ABLIM2: variants seen among roughly 807,000 people sequenced by gnomAD.
The protein encoded by ABLIM2 is actin binding LIM protein family member 2.
Under a neutral mutation model 97.7 loss-of-function variants are expected in ABLIM2, and 53 were observed. The ratio of observed to expected loss-of-function variants is 0.54; its 90% CI spans 0.44 to 0.68. The LOEUF (loss-of-function observed/expected upper bound fraction) is 0.68. ABLIM2 is among the 30% of genes least tolerant of loss of function. The pLI is 0.00. For synonymous variants in ABLIM2, 361 were observed against 345.8 expected (o/e 1.04, Z -0.49); for missense variants, 835 against 867.2 (o/e 0.96, Z 0.47).
intron 1 of ABLIM2, among the ~76,000 whole-genome samples, chr4:8,133,286 C>T (rs564753204): frequency 1.3e-5 from 2 of 152,358 alleles, no homozygotes; most frequent in African/African-American, 4.8e-5. Flanking sequence ...CAGGGCTTCA[C>T]TTAGCGGGAA....
At position 8,044,641 on chromosome 4, in the gene ABLIM2, G is replaced by GACACAC. The variant is rs531358817; in HGVS notation, c.900+517_900+522dup. Among the ~76,000 whole-genome samples the GACACAC allele has an allele frequency of 0.12, 14,579 of 123,984 alleles. 1,304 individuals carry two copies. Among genetic ancestry groups the GACACAC allele is most frequent in the East Asian group, 0.26 (1,110 of 4,202 alleles). 81.3% of individuals were successfully genotyped at this position (123,984 alleles called of 152,430 possible). On this transcript the variant is annotated intron_variant, in intron 9 of 20. Coordinates refer to ENST00000447017, the MANE Select transcript of ABLIM2 (RefSeq NM_001130083.2). The surrounding 1 kb of genome is among the most constrained non-coding windows in gnomAD (Gnocchi z 4.4). ...ATTATGGAAGCGTGTGAGGCGCACA[G>GACACAC]ACACACACACACACACACACACACA...
intron 8 of ABLIM2, among the ~76,000 whole-genome samples, chr4:8,047,051 G>C (rs568036568): frequency 2.0e-3 from 303 of 152,298 alleles, no homozygotes; most frequent in Admixed American, 4.7e-3. Context: ...GCAGCGGCTG[G>C]CGTGGGTGAC....
chr4:8,144,928 G>A (rs925807281), intron 1 of ABLIM2, among the ~76,000 whole-genome samples: 1 of 152,256 alleles, frequency 6.6e-6, no homozygotes, highest in Non-Finnish European at 1.5e-5. Context: ...GAAAGAACCC[G>A]TGGGGAGACA....
intron 20 of ABLIM2, among the ~76,000 whole-genome samples, chr4:7,968,308 G>A (rs1724669307): frequency 6.6e-6 from 1 of 152,232 alleles, no homozygotes; most frequent in Non-Finnish European, 1.5e-5. Flanking sequence ...GTTATCATAT[G>A]CCCCAGCCAT....
chr4:8,026,893 G>C lies in ABLIM2; in HGVS notation c.1267+866C>G, dbSNP rs1409465186. ...AGTGGCCTTTTACCTGAGTGTGTGT[G>C]TCTGCAGTGGCCTTTTACCTGAGTG... On this transcript the variant is annotated intron_variant, in intron 12 of 20. Transcript: ENST00000447017. Among the ~76,000 whole-genome samples, 5 of 150,682 alleles carry C rather than the reference G, an allele frequency of 3.3e-5. 1 individual carries two copies. Among genetic ancestry groups the C allele is most frequent in the African/African-American group, 1.2e-4 (5 of 40,812 alleles).
In ABLIM2 at chr4:8,145,179, G is replaced by C. The variant is rs571719292; in HGVS notation, c.10+13501C>G. On this transcript the variant is annotated intron_variant, in intron 1 of 20. Transcript: ENST00000447017. ...GTTGCTAGGTGCTCTGTAAATGGCA[G>C]GTATTGATTTTTTTTTTTTTTCCAG... is the stretch of plus-strand genomic sequence containing the variant. Among the ~76,000 whole-genome samples the C allele has an allele frequency of 3.4e-5, 5 of 148,988 alleles. No individual in the cohort carries two copies. In the East Asian group the frequency reaches 9.7e-4, roughly 29 times the overall value.
rs1467022479 is a variant in ABLIM2 at position 8,071,388 on chromosome 4, G to A, written c.675+6240C>T. ...GGGTGGGATGCAGGCCAACATGCAT[G>A]AGGGTGCTGCACGTTTAGGAGAAAC... On this transcript the variant is annotated intron_variant, in intron 6 of 20. Transcript: ENST00000447017. The surrounding 1 kb of genome is among the most constrained non-coding windows in gnomAD (Gnocchi z 6.2). Among the ~76,000 whole-genome samples, 3 of 152,178 alleles carry A rather than the reference G, an allele frequency of 2.0e-5. No homozygotes were observed. Among genetic ancestry groups the A allele is most frequent in the Non-Finnish European group, 4.4e-5 (3 of 68,024 alleles).
Position 8,069,755 on chromosome 4 carries a change from G to A in ABLIM2, c.675+7873C>T, listed in dbSNP as rs780560463. ...ATGTGTCCTTGTGTTGTCTGTGTAC[G>A]TTTCGGTGTGTCCATGCATGTTGTC... On this transcript the variant is annotated intron_variant, in intron 6 of 20. Coordinates refer to ENST00000447017, the MANE Select transcript of ABLIM2 (RefSeq NM_001130083.2). This position sits in a 1 kb window ranked among gnomAD's most constrained non-coding sequence, Gnocchi z 4.2. 4.6e-5 allele frequency among the ~76,000 whole-genome samples: 7 copies of A among 151,724 alleles called. No individual in the cohort carries two copies. Among genetic ancestry groups the A allele is most frequent in the Admixed American group, 2.0e-4 (3 of 15,236 alleles).
chr4:8,025,076 C>T (rs967094131), intron 12 of ABLIM2, among the ~76,000 whole-genome samples: 9 of 152,150 alleles, frequency 5.9e-5, no homozygotes, highest in South Asian at 2.1e-4. Flanking sequence ...ACCACAGGTG[C>T]GCCACCACAC....
At chr4:8,034,379 G>T (rs999455113) in intron 10 of ABLIM2, among the ~76,000 whole-genome samples, 6 of 149,880 alleles carry the variant, frequency 4.0e-5, no homozygotes, top group Non-Finnish European at 8.9e-5. Context: ...GGGGGTGTGT[G>T]GTAAGTGGGT....
intron 8 of ABLIM2, among the ~76,000 whole-genome samples, chr4:8,051,437 G>C (rs1795989907): frequency 6.6e-6 from 1 of 151,654 alleles, no homozygotes; most frequent in African/African-American, 2.4e-5. Flanking sequence ...CGTGGCTGTA[G>C]TCCCAGCTAC....
At chr4:8,099,370 C>T (rs973482396) in intron 2 of ABLIM2, among the ~76,000 whole-genome samples, 12 of 152,176 alleles carry the variant, frequency 7.9e-5, no homozygotes, top group Admixed American at 2.0e-4. Flanking sequence ...GACGTGACGG[C>T]GTGAGCTGTT....
At chr4:8,110,335 T>C (rs150959431) in intron 1 of ABLIM2, among the ~76,000 whole-genome samples, 27 of 152,316 alleles carry the variant, frequency 1.8e-4, no homozygotes, top group Admixed American at 1.2e-3. Context: ...CAGCTTCAGA[T>C]TCCCGGGGGA....
intron 3 of ABLIM2, among the ~76,000 whole-genome samples, chr4:8,093,329 T>C (rs775097503): frequency 7.2e-5 from 11 of 152,228 alleles, no homozygotes; most frequent in Non-Finnish European, 1.6e-4. Context: ...GCTTTTGCAG[T>C]TTCTCATTTT....
chr4:8,039,166 T>A (rs922435734), intron 9 of ABLIM2, among the ~76,000 whole-genome samples: 2 of 152,192 alleles, frequency 1.3e-5, no homozygotes, highest in South Asian at 4.1e-4. Context: ...AGCAGGCTTG[T>A]GAATTGAACA....
rs1849139238 is a variant in ABLIM2 at position 8,130,005 on chromosome 4, C to A, written c.11-23368G>T. On this transcript the variant is annotated intron_variant, in intron 1 of 20. Transcript: ENST00000447017. This position sits in a 1 kb window ranked among gnomAD's most constrained non-coding sequence, Gnocchi z 4.2. ...TCTGCTAGTCAGCACAGCTGGTGCC[C>A]TGCGGGCTCCCAGCACTCAGCACTG... Among the ~76,000 whole-genome samples, 2 of 152,240 alleles carry A rather than the reference C, an allele frequency of 1.3e-5. No individual in the cohort carries two copies. The highest frequency in any genetic ancestry group is 2.9e-5 in the Non-Finnish European group (2 of 68,040).
chr4:8,097,115 C>T lies in ABLIM2; in HGVS notation c.322G>A (p.Val108Met), dbSNP rs751566556. ...CTTACTCACCGGCAGACGGCACACACGAAGCAGTCGGGGTGGTAGGTCTTG... is the reference window on the plus strand; with the variant it reads ...CTTACTCACCGGCAGACGGCACACATGAAGCAGTCGGGGTGGTAGGTCTTG... Reference protein sequence around the residue: ...LGKTYHPDCFVCAVCRLPFPP... With the variant: ...LGKTYHPDCFMCAVCRLPFPP... Residue 108 changes from valine to methionine, a missense_variant, in exon 3 of 21, where the codon GTG becomes ATG. Val to Met is a conservative substitution (Grantham distance 21, BLOSUM62 1). Coordinates refer to ENST00000447017, the MANE Select transcript of ABLIM2 (RefSeq NM_001130083.2). 3.0e-5 allele frequency: 49 copies of T among 1,608,902 alleles called. No homozygotes were observed. Among genetic ancestry groups the T allele is most frequent in the African/African-American group, 6.7e-5 (5 of 74,828 alleles).
chr4:7,981,953 G>A (rs967859308), intron 20 of ABLIM2, among the ~76,000 whole-genome samples: 5 of 152,154 alleles, frequency 3.3e-5, no homozygotes, highest in Non-Finnish European at 5.9e-5. Flanking sequence ...TTTGCTCAGG[G>A]GCTTCCCCGG....
Position 8,127,683 on chromosome 4 carries a change from GC to G in ABLIM2, c.11-21047del, listed in dbSNP as rs1848621814. On this transcript the variant is annotated intron_variant, in intron 1 of 20. Transcript: ENST00000447017. This position sits in a 1 kb window ranked among gnomAD's most constrained non-coding sequence, Gnocchi z 7.3. ...AGTGGACCGGGGAAGAGCCTCTGTG[GC>G]CCACAGGGCTCCCACAAGGTCACGT... The G allele has an allele frequency of 7.9e-7, 1 of 1,261,568 alleles. No individual in the cohort carries two copies. Among genetic ancestry groups the G allele is most frequent in the African/African-American group, 1.5e-5 (1 of 65,386 alleles). The allele number at this position is 1,261,568 out of a possible 1,614,324, so 78.1% of individuals were successfully genotyped here.
Sources: gnomAD v4.1 joint callset for allele counts (sites outside exome capture counted in the v4.1 genomes callset) on GRCh38, gnomAD v4.1.1 for gene constraint, Gnocchi (gnomAD v3.1) non-coding constraint, MANE v1.5 for transcripts, NCBI Gene and HGNC (gene_info 2026-07-23, HGNC 2026-07-21) for gene names.